Variants in ARRDC4 observed in about 807,000 individuals in gnomAD.
The protein encoded by ARRDC4 is arrestin domain containing 4.
Under a neutral mutation model 44.6 loss-of-function variants are expected in ARRDC4, and 40 were observed. The ratio of observed to expected loss-of-function variants is 0.90; its 90% CI spans 0.70 to 1.17. ARRDC4 has a LOEUF of 1.17. Ranked by LOEUF, ARRDC4 falls within the 50% of genes most tolerant of loss-of-function variation. ARRDC4 has a pLI of 0.00. For synonymous variants in ARRDC4, 211 were observed against 221.2 expected, an observed-to-expected ratio of 0.95 and a Z score of 0.41; for missense variants, 550 against 559.1, an observed-to-expected ratio of 0.98 and a Z score of 0.16.
In ARRDC4 at chr15:97,965,731, T is replaced by C; in HGVS notation, c.374+65T>C. The C allele has an allele frequency of 6.6e-7, 1 of 1,515,302 alleles. No homozygotes were observed. The highest frequency in any genetic ancestry group is 1.1e-5 in the South Asian group (1 of 88,898). 93.9% of individuals were successfully genotyped at this position (1,515,302 alleles called of 1,614,324 possible). A position where few individuals can be genotyped will look rare whatever the true frequency, so the allele number is the denominator to read the frequency against. On this transcript the variant is annotated intron_variant, in intron 2 of 7. Transcript: ENST00000268042. The surrounding 1 kb of genome is among the most constrained non-coding windows in gnomAD (Gnocchi z 5.1). ...CAGTATGTCCATTCAAGTTTATCAC[T>C]GCTAGGTCTCTTCTGATTCTCAAGT...
At chr15:97,961,989 C>G (rs948458148) in intron 1 of ARRDC4, among the ~76,000 whole-genome samples, 4 of 152,152 alleles carry the variant, frequency 2.6e-5, no homozygotes, top group African/African-American at 9.7e-5. Flanking sequence ...ATATTAGATA[C>G]CAAAATTGGA....
chr15:97,969,386 A>G lies in ARRDC4; in HGVS notation c.882+7A>G. Reference sequence around the variant, plus strand: ...AGTGGACTATTCCTTAGCTGTAAGCAAAGCTCTTTTTTAAAAAAAAATGTG... The same window carrying G: ...AGTGGACTATTCCTTAGCTGTAAGCGAAGCTCTTTTTTAAAAAAAAATGTG... On this transcript the variant is annotated splice_region_variant and intron_variant, in intron 5 of 7. Transcript: ENST00000268042. The G allele has an allele frequency of 3.2e-6, 5 of 1,561,768 alleles. No homozygotes were observed. The highest frequency in any genetic ancestry group is 3.5e-6 in the Non-Finnish European group (4 of 1,159,112).
intron 1 of ARRDC4, among the ~76,000 whole-genome samples, chr15:97,962,627 A>G (rs1491180): frequency 0.83 from 126,985 of 152,190 alleles, 53,442 homozygotes; most frequent in African/African-American, 0.94. Flanking sequence ...TTCGTCACAC[A>G]CACACATATA....
At chr15:97,963,592 T>G (rs1355129022) in intron 1 of ARRDC4, among the ~76,000 whole-genome samples, 1 of 152,168 alleles carries the variant, frequency 6.6e-6, no homozygotes, top group Non-Finnish European at 1.5e-5. Context: ...CCTTCCTATC[T>G]GTCTCCATTC....
Position 97,971,462 on chromosome 15 carries a change from TAAG to T in ARRDC4, c.*276_*278del, listed in dbSNP as rs1194923817. On this transcript the variant is annotated 3_prime_UTR_variant, in exon 8 of 8. Coordinates refer to ENST00000268042, the MANE Select transcript of ARRDC4 (RefSeq NM_183376.3). ...AATGGAAGTCCTGATGGTTACAGAG[TAAG>T]TGAAAGGGTGCCTGCGCTGACGTGA... The T allele has an allele frequency of 9.4e-6, 4 of 427,772 alleles. No homozygotes were observed. In the Admixed American group the frequency reaches 1.2e-4, roughly 12 times the overall value. The allele number at this position is 427,772 out of a possible 1,614,324, so 26.5% of individuals were successfully genotyped here.
In ARRDC4 at chr15:97,961,153, C is replaced by T. The variant is rs1899309196; in HGVS notation, c.292C>T (p.Arg98Trp). Residue 98 changes from arginine to tryptophan, a missense_variant, in exon 1 of 8, where the codon CGG (arginine) becomes TGG (tryptophan). Physicochemically the swap from Arg to Trp is moderately radical, Grantham distance 101. Transcript: ENST00000268042. ...GTACCTGAACGTGCGCCTCAGCCTG[C>T]GGGAGCCCCCGGCCGGTAAGCGCAG... ...VEYLNVRLSL[R>W]EPPAGEGIIL... 4.2e-6 allele frequency: 6 copies of T among 1,438,092 alleles called. No homozygotes were observed. Among genetic ancestry groups the T allele is most frequent in the Admixed American group, 3.1e-5 (1 of 32,676 alleles). 89.1% of individuals were successfully genotyped at this position (1,438,092 alleles called of 1,614,324 possible). A position where few individuals can be genotyped will look rare whatever the true frequency, so the allele number is the denominator to read the frequency against.
rs1899485619 is a variant in ARRDC4 at position 97,970,188 on chromosome 15, G to A, written c.1045+143G>A. 2.0e-6 allele frequency: 2 copies of A among 994,162 alleles called. No homozygotes were observed. The highest frequency in any genetic ancestry group is 3.2e-5 in the African/African-American group (2 of 61,802). 61.6% of individuals were successfully genotyped at this position (994,162 alleles called of 1,614,324 possible). On this transcript the variant is annotated intron_variant, in intron 6 of 7. Coordinates refer to ENST00000268042, the MANE Select transcript of ARRDC4 (RefSeq NM_183376.3). The surrounding 1 kb of genome is among the most constrained non-coding windows in gnomAD (Gnocchi z 4.2). The stretch of plus-strand genomic sequence containing the variant: ...ATTCCTACTACTAAAAAATCAGAAA[G>A]CATTAGTCCTGGGAGGGACTTTGAA...
chr15:97,963,915 G>A (rs936797568), intron 1 of ARRDC4, among the ~76,000 whole-genome samples: 11 of 152,256 alleles, frequency 7.2e-5, no homozygotes, highest in African/African-American at 1.9e-4. Flanking sequence ...CTGTCAGGTC[G>A]AGATGCTTCC....
chr15:97,964,826 T>C (rs926359432), intron 1 of ARRDC4, among the ~76,000 whole-genome samples: 1 of 152,204 alleles, frequency 6.6e-6, no homozygotes, highest in Non-Finnish European at 1.5e-5. Flanking sequence ...ATTAATGATA[T>C]TCATAAAGTT....
In ARRDC4 at chr15:97,970,874, G is replaced by C; in HGVS notation, c.1200+131G>C. On this transcript the variant is annotated intron_variant, in intron 7 of 7. Transcript: ENST00000268042. The surrounding 1 kb of genome is among the most constrained non-coding windows in gnomAD (Gnocchi z 4.2). ...GGATACATTTAAATTTGTTTATACA[G>C]TGGTAATAGATTATCGCTGATTCAT... 1.7e-6 allele frequency: 2 copies of C among 1,160,668 alleles called. No homozygotes were observed. The highest frequency in any genetic ancestry group is 2.2e-4 in the Middle Eastern group (1 of 4,616). The allele number at this position is 1,160,668 out of a possible 1,614,324, so 71.9% of individuals were successfully genotyped here.
rs747639417 is a variant in ARRDC4 at position 97,968,212 on chromosome 15, C to T, written c.625+96C>T. On this transcript the variant is annotated intron_variant, in intron 4 of 7. Transcript: ENST00000268042. The surrounding 1 kb of genome is among the most constrained non-coding windows in gnomAD (Gnocchi z 5.4). ...AATAGTGTTTTTTGTAATTATATGA[C>T]GTGTATAGTATTTTAAAACATGAAT... The T allele has an allele frequency of 5.3e-5, 34 of 639,908 alleles. No individual in the cohort carries two copies. The highest frequency in any genetic ancestry group is 5.2e-4 in the South Asian group (15 of 28,828). The allele number at this position is 639,908 out of a possible 1,614,324, so 39.6% of individuals were successfully genotyped here.
chr15:97,968,501 C>T lies in ARRDC4; in HGVS notation c.625+385C>T, dbSNP rs536964932. 1.3e-5 allele frequency among the ~76,000 whole-genome samples: 2 copies of T among 152,278 alleles called. No homozygotes were observed. The highest frequency in any genetic ancestry group is 4.1e-4 in the South Asian group (2 of 4,822). On this transcript the variant is annotated intron_variant, in intron 4 of 7. Transcript: ENST00000268042. The surrounding 1 kb of genome is among the most constrained non-coding windows in gnomAD (Gnocchi z 5.4). ...CATGCTGGCTTGATATATGCAAATG[C>T]ATGGGACTGGAATGTAGTGTATTAA...
In ARRDC4 at chr15:97,960,939, C is replaced by A; in HGVS notation, c.78C>A (p.Asp26Glu). The change falls in exon 1 of 8, where the codon GAC becomes GAA. Residue 26 changes from aspartate to glutamate, a missense_variant. Physicochemically the swap from Asp to Glu is conservative, Grantham distance 45 (BLOSUM62 2). Transcript: ENST00000268042. Reference protein sequence around the residue: ...RVKSLGLVFEDERKGCYSSGE... With the variant: ...RVKSLGLVFEEERKGCYSSGE... Reference sequence around the variant, plus strand: ...AGAGCCTGGGTCTGGTGTTCGAGGACGAGCGCAAGGGCTGCTATTCCAGCG... The same window carrying A: ...AGAGCCTGGGTCTGGTGTTCGAGGAAGAGCGCAAGGGCTGCTATTCCAGCG... 6.8e-7 allele frequency: 1 copy of A among 1,465,862 alleles called. No individual in the cohort carries two copies. The highest frequency in any genetic ancestry group is 9.0e-7 in the Non-Finnish European group (1 of 1,105,698). The allele number at this position is 1,465,862 out of a possible 1,614,324, so 90.8% of individuals were successfully genotyped here. A position where few individuals can be genotyped will look rare whatever the true frequency, so the allele number is the denominator to read the frequency against.
At position 97,961,174 on chromosome 15, in the gene ARRDC4, C is replaced by T. The variant is rs1596304110; in HGVS notation, c.307+6C>T. ...CCTGCGGGAGCCCCCGGCCGGTAAG[C>T]GCAGGCGAGCGCCTGGGGTTCCCCC... is the stretch of plus-strand genomic sequence containing the variant. On this transcript the variant is annotated splice_donor_region_variant and intron_variant, in intron 1 of 7. Coordinates refer to ENST00000268042, the MANE Select transcript of ARRDC4 (RefSeq NM_183376.3). The T allele has an allele frequency of 7.1e-7, 1 of 1,401,594 alleles. No homozygotes were observed. The highest frequency in any genetic ancestry group is 3.1e-5 in the East Asian group (1 of 32,676). 86.8% of individuals were successfully genotyped at this position (1,401,594 alleles called of 1,614,324 possible).
At position 97,960,766 on chromosome 15, in the gene ARRDC4, C is replaced by G; in HGVS notation, c.-96C>G. Reference sequence around the variant, plus strand: ...GCACGGCTGCCGCGGCGGCCTTACCCTGCCGCGAGCGCCTGTGACAGCGGC... The same window carrying G: ...GCACGGCTGCCGCGGCGGCCTTACCGTGCCGCGAGCGCCTGTGACAGCGGC... On this transcript the variant is annotated 5_prime_UTR_variant, in exon 1 of 8. Coordinates refer to ENST00000268042, the MANE Select transcript of ARRDC4 (RefSeq NM_183376.3). The G allele has an allele frequency of 8.6e-7, 1 of 1,157,162 alleles. No individual in the cohort carries two copies. 71.7% of individuals were successfully genotyped at this position (1,157,162 alleles called of 1,614,324 possible). A position where few individuals can be genotyped will look rare whatever the true frequency, so the allele number is the denominator to read the frequency against.
Position 97,972,877 on chromosome 15 carries a change from T to C in ARRDC4, c.*1690T>C, listed in dbSNP as rs3088336. 8,286 of 152,720 alleles carry C rather than the reference T, an allele frequency of 0.054. 302 individuals are homozygous for C. Among genetic ancestry groups the C allele is most frequent in the East Asian group, 0.17 (877 of 5,184 alleles). 9.5% of individuals were successfully genotyped at this position (152,720 alleles called of 1,614,324 possible). A position where few individuals can be genotyped will look rare whatever the true frequency, so the allele number is the denominator to read the frequency against. On this transcript the variant is annotated 3_prime_UTR_variant, in exon 8 of 8. Transcript: ENST00000268042. This position sits in a 1 kb window ranked among gnomAD's most constrained non-coding sequence, Gnocchi z 5.3. ...ATGCTTTTCATCCTCTGGGCTTACC[T>C]CTCTCCTCTGCAATCCTGGAAGCAT...
intron 5 of ARRDC4, 21 bp from the exon 6 acceptor site, chr15:97,969,862 T>C (rs1266930027): frequency 3.3e-6 from 5 of 1,521,464 alleles, no homozygotes; most frequent in Middle Eastern, 4.6e-4. Context: ...TTCTCTTTTT[T>C]TTTTTTTTTT....
At position 97,970,908 on chromosome 15, in the gene ARRDC4, T is replaced by C. The variant is rs540534169; in HGVS notation, c.1200+165T>C. Among the ~76,000 whole-genome samples the C allele has an allele frequency of 4.1e-5, 6 of 147,814 alleles. No individual in the cohort carries two copies. Among genetic ancestry groups the C allele is most frequent in the African/African-American group, 1.2e-4 (5 of 41,284 alleles). On this transcript the variant is annotated intron_variant, in intron 7 of 7. Transcript: ENST00000268042. The surrounding 1 kb of genome is among the most constrained non-coding windows in gnomAD (Gnocchi z 4.2). The stretch of plus-strand genomic sequence containing the variant: ...GATTATCGCTGATTCATTTGCCAGA[T>C]TTTTTTACTATTGTCCTTGTGATCT...
Position 97,970,669 on chromosome 15 carries a change from G to A in ARRDC4, c.1126G>A (p.Glu376Lys), listed in dbSNP as rs1350961002. The change falls in exon 7 of 8, where the codon GAG (glutamate) becomes AAG (lysine). Residue 376 changes from glutamate to lysine, a missense_variant. Coordinates refer to ENST00000268042, the MANE Select transcript of ARRDC4 (RefSeq NM_183376.3). The surrounding 1 kb of genome is among the most constrained non-coding windows in gnomAD (Gnocchi z 4.2). ...TCCTTACCCTCAACCCCCTAACTGT[G>A]AGGGAGAAGTGTGCTGTCCTGTGTT... Reference protein sequence around the residue: ...IPPYPQPPNCEGEVCCPVFAC... With the variant: ...IPPYPQPPNCKGEVCCPVFAC... 1 of 1,613,496 alleles carries A rather than the reference G, an allele frequency of 6.2e-7. No individual in the cohort carries two copies. The highest frequency in any genetic ancestry group is 8.5e-7 in the Non-Finnish European group (1 of 1,179,668).
Sources: allele counts gnomAD v4.1 joint callset (sites outside exome capture counted in the v4.1 genomes callset), GRCh38; gene constraint gnomAD v4.1.1; non-coding constraint Gnocchi (gnomAD v3.1); transcripts MANE v1.5; gene names NCBI Gene and HGNC (gene_info 2026-07-23, HGNC 2026-07-21).